MRTFA: variants seen among roughly 807,000 people sequenced by gnomAD.
MRTFA encodes myocardin-related transcription factor A.
A neutral mutation model predicts 83.5 loss-of-function variants in MRTFA; 20 were observed. That is an observed-to-expected ratio of 0.24 (90% CI 0.17 to 0.35). The LOEUF is 0.35. Ranked by LOEUF, MRTFA falls within the 10% of genes least tolerant of loss-of-function variation. The pLI is 1.00. For synonymous variants in MRTFA, 659 were observed against 541.2 expected, an observed-to-expected ratio of 1.22 and a Z score of -3.02; for missense variants, 1,200 against 1,224.7, an observed-to-expected ratio of 0.98 and a Z score of 0.30.
intron 3 of MRTFA, among the ~76,000 whole-genome samples, chr22:40,499,974 T>A (rs922612416): frequency 1.6e-5 from 2 of 128,788 alleles, no homozygotes; most frequent in South Asian, 2.6e-4. Context: ...AAGGCTGGAA[T>A]GAAATGGTAC....
rs1462493296 is a variant in MRTFA at position 40,571,657 on chromosome 22, C to G, written c.-21-19290G>C. ...TCTCCAAAGAAAATATAAAAACAGACAATATAATCCCGGCACTTTGAGAGG... is the reference window on the plus strand; with the variant it reads ...TCTCCAAAGAAAATATAAAAACAGAGAATATAATCCCGGCACTTTGAGAGG... On this transcript the variant is annotated intron_variant, in intron 2 of 14. Transcript: ENST00000355630. Among the ~76,000 whole-genome samples, 3 of 151,646 alleles carry G rather than the reference C, an allele frequency of 2.0e-5. No homozygotes were observed. In the East Asian group the frequency reaches 5.8e-4, roughly 29 times the overall value.
intron 2 of MRTFA, among the ~76,000 whole-genome samples, chr22:40,571,499 C>A (rs2055792444): frequency 6.6e-6 from 1 of 152,018 alleles, no homozygotes; most frequent in African/African-American, 2.4e-5. Flanking sequence ...AGAAAACTCA[C>A]AGATGAGAAA....
chr22:40,558,248 T>A (rs62236972), intron 2 of MRTFA, among the ~76,000 whole-genome samples: 1 of 48,330 alleles, frequency 2.1e-5, no homozygotes, highest in Non-Finnish European at 4.3e-5. Flanking sequence ...CATGCCTGGC[T>A]TTTTTTTTTT....
chr22:40,523,093 T>A (rs1280074968), intron 3 of MRTFA: 1 of 152,062 alleles, frequency 6.6e-6, no homozygotes, highest in African/African-American at 2.4e-5. Context: ...ATAAGCCTAT[T>A]TGTTCTTTCT....
chr22:40,459,822 C>CATATACAT (rs1555973786), intron 4 of MRTFA, among the ~76,000 whole-genome samples: 46 of 68,248 alleles, frequency 6.7e-4, no homozygotes, highest in African/African-American at 2.6e-3. Context: ...CACACACACA[C>CATATACAT]ATATATACAT....
chr22:40,468,913 A>C (rs1312098190), intron 3 of MRTFA, among the ~76,000 whole-genome samples: 2 of 152,226 alleles, frequency 1.3e-5, no homozygotes, highest in African/African-American at 4.8e-5. Flanking sequence ...TGAATGCATC[A>C]GTTTTCATGA....
At chr22:40,626,408 CAA>C (rs2056582200) in intron 1 of MRTFA, among the ~76,000 whole-genome samples, 1 of 152,152 alleles carries the variant, frequency 6.6e-6, no homozygotes, top group Non-Finnish European at 1.5e-5. Context: ...TCCCACGCCT[CAA>C]GTTTCCAGAG....
chr22:40,534,510 A>C (rs769758282), intron 3 of MRTFA, among the ~76,000 whole-genome samples: 2 of 152,188 alleles, frequency 1.3e-5, no homozygotes, highest in Non-Finnish European at 2.9e-5. Flanking sequence ...ACTGGAATGC[A>C]GTGGTGCAAA....
chr22:40,483,034 C>T (rs193237504), intron 3 of MRTFA, among the ~76,000 whole-genome samples: 1 of 152,104 alleles, frequency 6.6e-6, no homozygotes, highest in East Asian at 1.9e-4. Context: ...CACGGCACTC[C>T]AGCCTGAACA....
At chr22:40,610,383 C>A (rs943199172) in intron 1 of MRTFA, among the ~76,000 whole-genome samples, 6 of 152,100 alleles carry the variant, frequency 3.9e-5, no homozygotes, top group African/African-American at 1.4e-4. Flanking sequence ...TGTTAAATTT[C>A]TCTCAGTTCC....
Position 40,416,219 on chromosome 22 carries a change from C to A in MRTFA, c.2578+767G>T, listed in dbSNP as rs1367020341. On this transcript the variant is annotated intron_variant, in intron 14 of 14. Transcript: ENST00000355630. This position sits in a 1 kb window ranked among gnomAD's most constrained non-coding sequence, Gnocchi z 4.2. ...ATCCTTGGCTGTTCCTTCCCTCTCC[C>A]CCCACTTCATCCATAAAGACACCAA... 6.6e-6 allele frequency among the ~76,000 whole-genome samples: 1 copy of A among 152,210 alleles called. No individual in the cohort carries two copies. The highest frequency in any genetic ancestry group is 2.4e-5 in the African/African-American group (1 of 41,450).
intron 3 of MRTFA, among the ~76,000 whole-genome samples, chr22:40,502,067 G>A (rs1602346890): frequency 7.3e-6 from 1 of 137,920 alleles, no homozygotes; most frequent in East Asian, 2.3e-4. Context: ...GGGGTGGCTG[G>A]CCGGGCTGAG....
chr22:40,459,516 A>T (rs1396480733), intron 4 of MRTFA, among the ~76,000 whole-genome samples: 2 of 151,930 alleles, frequency 1.3e-5, no homozygotes, highest in Non-Finnish European at 2.9e-5. Context: ...AAAGGCAATT[A>T]TTCTCACTTC....
intron 9 of MRTFA, among the ~76,000 whole-genome samples, chr22:40,423,215 C>T (rs1477022617): frequency 6.6e-6 from 1 of 152,246 alleles, no homozygotes; most frequent in Non-Finnish European, 1.5e-5. Context: ...CAGCTCCTCT[C>T]TTGTAGCACA....
intron 3 of MRTFA, among the ~76,000 whole-genome samples, chr22:40,489,016 A>G (rs2054221707): frequency 6.6e-6 from 1 of 152,190 alleles, no homozygotes; most frequent in South Asian, 2.1e-4. Context: ...ATAAAACACC[A>G]ACGTTTCATG....
At chr22:40,575,857 C>T (rs1363244709) in intron 2 of MRTFA, among the ~76,000 whole-genome samples, 3 of 152,160 alleles carry the variant, frequency 2.0e-5, no homozygotes, top group East Asian at 1.9e-4. Flanking sequence ...ACAACTCTCA[C>T]AAGTTAACTG....
intron 3 of MRTFA, among the ~76,000 whole-genome samples, chr22:40,525,865 ATCC>A (rs1219136279): frequency 6.6e-6 from 1 of 152,160 alleles, no homozygotes; most frequent in Non-Finnish European, 1.5e-5. Flanking sequence ...GAAAAAAAAA[ATCC>A]TCCTTGTGGC....
intron 2 of MRTFA, among the ~76,000 whole-genome samples, chr22:40,589,809 A>T (rs1474846301): frequency 6.6e-6 from 1 of 152,120 alleles, no homozygotes; most frequent in Non-Finnish European, 1.5e-5. Context: ...CAGGCGAATC[A>T]CAAGGTCAGA....
intron 1 of MRTFA, among the ~76,000 whole-genome samples, chr22:40,617,188 G>A (rs868645608): frequency 1.0e-4 from 10 of 97,844 alleles, no homozygotes; most frequent in South Asian, 5.0e-4. Context: ...GAGGGAAGGA[G>A]GGAGGGAGGG....
Sources: allele counts gnomAD v4.1 joint callset (sites outside exome capture counted in the v4.1 genomes callset), GRCh38; gene constraint gnomAD v4.1.1; non-coding constraint Gnocchi (gnomAD v3.1); transcripts MANE v1.5; gene names NCBI Gene and HGNC (gene_info 2026-07-23, HGNC 2026-07-21).